The following VPS13B variants were observed in gnomAD, a reference collection of about 807,000 sequenced individuals.
VPS13B encodes intermembrane lipid transfer protein VPS13B.
A neutral mutation model predicts 426.4 loss-of-function variants in VPS13B; 285 were observed. The observed-to-expected ratio is 0.67, with a 90% CI of 0.61 to 0.74. The LOEUF (loss-of-function observed/expected upper bound fraction) is 0.74, where lower values mean the gene tolerates loss of function less well. VPS13B is among the 30% of genes least tolerant of loss of function. The pLI is 0.00. For missense variants in VPS13B, 4,537 were observed against 4,782.6 expected, an observed-to-expected ratio of 0.95 and a Z score of 1.51; for synonymous variants, 1,676 against 1,676.4, an observed-to-expected ratio of 1.00 and a Z score of 0.01.
At chr8:99,241,490 A>C (rs1816931519) in intron 17 of VPS13B, 1 of 152,220 alleles carries the variant, frequency 6.6e-6, no homozygotes, top group African/African-American at 2.4e-5. Flanking sequence ...CTTGACTTGC[A>C]GGCTTTGGCT....
chr8:99,072,279 T>C (rs990903854), intron 3 of VPS13B, among the ~76,000 whole-genome samples: 1 of 152,160 alleles, frequency 6.6e-6, no homozygotes, highest in Non-Finnish European at 1.5e-5. Flanking sequence ...GCCCAAGGGC[T>C]CCTTAGTCAG....
rs537454458 is a variant in VPS13B at position 99,118,004 on chromosome 8, G to A, written c.937+2130G>A. 8.5e-5 allele frequency among the ~76,000 whole-genome samples: 13 copies of A among 152,222 alleles called. No individual in the cohort carries two copies. In the South Asian group the frequency reaches 2.5e-3, roughly 29 times the overall value. ...TAGAGAACAACATTAATCAGAGTAT[G>A]TAGATATAAAACATACCTTTATTTC... On this transcript the variant is annotated intron_variant, in intron 7 of 61. Transcript: ENST00000357162.
At chr8:99,760,369 C>T (rs937468678) in intron 39 of VPS13B, among the ~76,000 whole-genome samples, 1 of 152,130 alleles carries the variant, frequency 6.6e-6, no homozygotes, top group African/African-American at 2.4e-5. Flanking sequence ...TTCAGCCCTT[C>T]AAAGAAAATA....
At chr8:99,829,214 C>G (rs556451309) in intron 51 of VPS13B, among the ~76,000 whole-genome samples, 35 of 152,292 alleles carry the variant, frequency 2.3e-4, no homozygotes, top group African/African-American at 7.9e-4. Context: ...TTCCATTCTC[C>G]CCGTCACTTT....
intron 33 of VPS13B, among the ~76,000 whole-genome samples, chr8:99,628,315 C>T (rs1188771739): frequency 1.3e-5 from 2 of 152,118 alleles, no homozygotes; most frequent in African/African-American, 4.8e-5. Context: ...TGGATTTTTC[C>T]TTTCAGCATT....
intron 31 of VPS13B, among the ~76,000 whole-genome samples, chr8:99,569,579 A>T (rs74711983): frequency 2.0e-5 from 3 of 152,166 alleles, no homozygotes; most frequent in Non-Finnish European, 4.4e-5. Context: ...CATAATATGC[A>T]GTTTTTGAAG....
intron 19 of VPS13B, among the ~76,000 whole-genome samples, chr8:99,367,535 A>C (rs1179542982): frequency 6.6e-6 from 1 of 151,968 alleles, no homozygotes; most frequent in Admixed American, 6.6e-5. Context: ...TTGATATCTT[A>C]CTCCTGGTTT....
chr8:99,437,095 C>T (rs902806803), intron 22 of VPS13B, among the ~76,000 whole-genome samples: 1 of 152,056 alleles, frequency 6.6e-6, no homozygotes, highest in Non-Finnish European at 1.5e-5. Flanking sequence ...GAAAACCCTG[C>T]AAGTTATCAT....
intron 35 of VPS13B, among the ~76,000 whole-genome samples, chr8:99,686,229 T>C (rs1336171795): frequency 6.6e-6 from 1 of 152,198 alleles, no homozygotes; most frequent in Non-Finnish European, 1.5e-5. Flanking sequence ...CTCTCTGTAC[T>C]GAGCTGCCTG....
chr8:99,191,112 T>C (rs949857676), intron 16 of VPS13B, among the ~76,000 whole-genome samples: 5 of 152,060 alleles, frequency 3.3e-5, no homozygotes, highest in African/African-American at 1.2e-4. Context: ...AGTCATGGTA[T>C]TCTGTTGTCT....
intron 54 of VPS13B, among the ~76,000 whole-genome samples, chr8:99,846,426 A>G (rs373360006): frequency 5.3e-5 from 8 of 152,206 alleles, no homozygotes; most frequent in East Asian, 1.9e-4. Flanking sequence ...CAAGTAATTG[A>G]TTGTTCAAAC....
At chr8:99,234,755 A>G (rs1046819944) in intron 17 of VPS13B, among the ~76,000 whole-genome samples, 4 of 152,252 alleles carry the variant, frequency 2.6e-5, no homozygotes, top group Non-Finnish European at 5.9e-5. Flanking sequence ...TTTAATGTAC[A>G]AGCATTAATA....
intron 17 of VPS13B, chr8:99,233,245 A>G (rs188279435): frequency 2.5e-6 from 3 of 1,219,500 alleles, no homozygotes; most frequent in Admixed American, 3.4e-5. Context: ...TAAGTTATGC[A>G]GTTCATTCAC....
At chr8:99,622,741 T>C (rs529155165) in intron 33 of VPS13B, among the ~76,000 whole-genome samples, 1 of 152,242 alleles carries the variant, frequency 6.6e-6, no homozygotes, top group South Asian at 2.1e-4. Context: ...ATATTAGTCA[T>C]ATACAACACC....
chr8:99,408,169 C>A (rs1034357209), intron 21 of VPS13B, among the ~76,000 whole-genome samples: 5 of 152,084 alleles, frequency 3.3e-5, no homozygotes, highest in African/African-American at 1.2e-4. Context: ...GATGGGATGG[C>A]ATTTAAGGGT....
chr8:99,167,086 A>T (rs1563578986), intron 15 of VPS13B, among the ~76,000 whole-genome samples: 1 of 152,176 alleles, frequency 6.6e-6, no homozygotes, highest in Non-Finnish European at 1.5e-5. Context: ...AATTTCAAAG[A>T]TGTCCCTAAT....
chr8:99,349,680 A>G (rs1488055545), intron 19 of VPS13B, among the ~76,000 whole-genome samples: 1 of 152,220 alleles, frequency 6.6e-6, no homozygotes, highest in African/African-American at 2.4e-5. Flanking sequence ...GTTTAAAAAT[A>G]TATAATTATA....
intron 33 of VPS13B, among the ~76,000 whole-genome samples, chr8:99,623,737 C>T (rs771433953): frequency 1.3e-5 from 2 of 152,108 alleles, no homozygotes; most frequent in Non-Finnish European, 2.9e-5. Flanking sequence ...TATATTCAAT[C>T]ACTTCTTGGC....
At chr8:99,869,031 C>T (rs1817254368) in intron 59 of VPS13B, among the ~76,000 whole-genome samples, 1 of 152,220 alleles carries the variant, frequency 6.6e-6, no homozygotes, top group Admixed American at 6.5e-5. Flanking sequence ...ATGGGGCGTG[C>T]CGGGGCCTCT....
Sources: allele counts gnomAD v4.1 joint callset (sites outside exome capture counted in the v4.1 genomes callset), GRCh38; gene constraint gnomAD v4.1.1; transcripts MANE v1.5; gene names NCBI Gene and HGNC (gene_info 2026-07-23, HGNC 2026-07-21).